Variants in TRAK1 observed in about 807,000 individuals in gnomAD.
The protein encoded by TRAK1 is trafficking kinesin protein 1.
Under a neutral mutation model 92.1 loss-of-function variants are expected in TRAK1, and 33 were observed. The observed-to-expected ratio is 0.36, with a 90% CI of 0.27 to 0.48. The LOEUF is 0.48. TRAK1 is among the 20% of genes least tolerant of loss of function. TRAK1 has a pLI of 0.99. For missense variants in TRAK1, 1,123 were observed against 1,257.9 expected, an observed-to-expected ratio of 0.89 and a Z score of 1.62; for synonymous variants, 521 against 517.3, an observed-to-expected ratio of 1.01 and a Z score of -0.10.
At chr3:42,155,971 G>T (rs747799541) in intron 2 of TRAK1, among the ~76,000 whole-genome samples, 5 of 152,136 alleles carry the variant, frequency 3.3e-5, no homozygotes, top group Non-Finnish European at 5.9e-5. Context: ...CCCTCCACTG[G>T]TCTTCCTGTC....
At chr3:42,059,082 G>A (rs936855294) in intron 1 of TRAK1, among the ~76,000 whole-genome samples, 11 of 151,936 alleles carry the variant, frequency 7.2e-5, no homozygotes, top group Non-Finnish European at 1.5e-4. Context: ...AGTAGGCTTT[G>A]GACTTCAGGG....
intron 1 of TRAK1, among the ~76,000 whole-genome samples, chr3:42,065,946 CT>C (rs1703658529): frequency 6.6e-6 from 1 of 152,180 alleles, no homozygotes; most frequent in Non-Finnish European, 1.5e-5. Flanking sequence ...TGAATCCTAA[CT>C]CCATGTTGAG....
chr3:42,141,711 G>T (rs1206930248), intron 2 of TRAK1, among the ~76,000 whole-genome samples: 4 of 152,120 alleles, frequency 2.6e-5, no homozygotes, highest in African/African-American at 9.7e-5. Flanking sequence ...CATCTCTCCA[G>T]GTTCTGCTCT....
chr3:42,173,324 A>G (rs944062224), intron 2 of TRAK1, among the ~76,000 whole-genome samples: 2 of 152,162 alleles, frequency 1.3e-5, no homozygotes, highest in Non-Finnish European at 2.9e-5. Context: ...ACCACGGTTG[A>G]TTGAAGATTT....
chr3:42,168,318 C>A (rs1238841298), intron 2 of TRAK1, among the ~76,000 whole-genome samples: 1 of 152,158 alleles, frequency 6.6e-6, no homozygotes, highest in South Asian at 2.1e-4. Context: ...TGAGACAATA[C>A]AATAATGTTT....
intron 7 of TRAK1, 123 bp from the exon 8 acceptor site, chr3:42,192,952 C>A: frequency 7.2e-7 from 1 of 1,392,302 alleles, no homozygotes; most frequent in Admixed American, 2.3e-5. Flanking sequence ...GCACCCTCCC[C>A]ACTCTACCCT....
intron 1 of TRAK1, among the ~76,000 whole-genome samples, chr3:42,034,360 C>T (rs969070466): frequency 2.6e-5 from 4 of 152,146 alleles, no homozygotes; most frequent in African/African-American, 4.8e-5. Flanking sequence ...GGCACAATCA[C>T]GGCTCACTGC....
At chr3:42,138,463 T>C (rs1698229190) in intron 2 of TRAK1, among the ~76,000 whole-genome samples, 1 of 152,166 alleles carries the variant, frequency 6.6e-6, no homozygotes, top group Non-Finnish European at 1.5e-5. Context: ...ATAAGCTTTC[T>C]CCTTCCTTAT....
chr3:42,150,807 G>T (rs1056734937), intron 2 of TRAK1, among the ~76,000 whole-genome samples: 1 of 152,222 alleles, frequency 6.6e-6, no homozygotes, highest in Non-Finnish European at 1.5e-5. Context: ...ACATTGTCAT[G>T]TTCGTTCTGT....
Position 42,091,564 on chromosome 3 carries a change from A to G in TRAK1, c.91+4A>G. The G allele has an allele frequency of 6.2e-7, 1 of 1,610,664 alleles. No individual in the cohort carries two copies. The highest frequency in any genetic ancestry group is 8.5e-7 in the Non-Finnish European group (1 of 1,178,948). On this transcript the variant is annotated splice_donor_region_variant and intron_variant, in intron 1 of 15. Coordinates refer to ENST00000327628, the MANE Select transcript of TRAK1 (RefSeq NM_001042646.3). ...CTCATTCGGACAAACGCCTGTGGTA[A>G]GTTTGTTTGCCAGGTCTGTCTGCTG...
At position 42,149,732 on chromosome 3, in the gene TRAK1, C is replaced by T. The variant is rs1699745178; in HGVS notation, c.286+24118C>T. On this transcript the variant is annotated intron_variant, in intron 2 of 15. Transcript: ENST00000327628. ...GAGGTACCAGAACTAGCACCACTGG[C>T]TCTGGCAATTCCAAAGGCATGGTGG... The T allele has an allele frequency of 1.6e-5, 19 of 1,162,688 alleles. No individual in the cohort carries two copies. In the South Asian group the frequency reaches 2.7e-4, roughly 17 times the overall value. The allele number at this position is 1,162,688 out of a possible 1,614,324, so 72.0% of individuals were successfully genotyped here.
At chr3:42,056,842 A>G (rs1041559968) in intron 1 of TRAK1, among the ~76,000 whole-genome samples, 2 of 152,212 alleles carry the variant, frequency 1.3e-5, no homozygotes, top group African/African-American at 2.4e-5. Context: ...AGGCTATTCT[A>G]CATCCTTCTT....
At chr3:42,067,272 A>G (rs932331997) in intron 1 of TRAK1, among the ~76,000 whole-genome samples, 16 of 152,328 alleles carry the variant, frequency 1.1e-4, no homozygotes, top group African/African-American at 3.1e-4. Context: ...CTTTTATGTG[A>G]TACAGTTTGT....
chr3:42,178,121 C>T (rs372535628), intron 3 of TRAK1, among the ~76,000 whole-genome samples: 12 of 152,230 alleles, frequency 7.9e-5, no homozygotes, highest in South Asian at 2.1e-4. Context: ...TTCCGGCACC[C>T]GCTCATCACC....
At chr3:42,219,272 C>T (rs538252452) in intron 14 of TRAK1, 16 of 983,818 alleles carry the variant, frequency 1.6e-5, no homozygotes, top group Admixed American at 1.2e-4. Context: ...TGGATTGGGT[C>T]GGAAGCTGGA....
chr3:42,134,212 T>TTCC (rs1559813445), intron 2 of TRAK1, among the ~76,000 whole-genome samples: 1 of 27,718 alleles, frequency 3.6e-5, no homozygotes, highest in Non-Finnish European at 6.1e-5. Context: ...CCTTCCCCCC[T>TTCC]CCCCTCCTCT....
At chr3:42,214,005 G>A (rs1709382842) in intron 14 of TRAK1, among the ~76,000 whole-genome samples, 1 of 152,172 alleles carries the variant, frequency 6.6e-6, no homozygotes, top group African/African-American at 2.4e-5. Context: ...CAGGCCAACT[G>A]CCACCTGCAA....
intron 1 of TRAK1, among the ~76,000 whole-genome samples, chr3:42,092,743 G>C (rs1705285325): frequency 6.8e-6 from 1 of 148,090 alleles, no homozygotes; most frequent in Non-Finnish European, 1.5e-5. Context: ...GTTATGTTAT[G>C]TTATGTTATG....
At chr3:42,166,614 G>A (rs1360265932) in intron 2 of TRAK1, among the ~76,000 whole-genome samples, 4 of 152,236 alleles carry the variant, frequency 2.6e-5, no homozygotes, top group Non-Finnish European at 5.9e-5. Flanking sequence ...TAGGAAAGCA[G>A]TTGGCACATT....
Sources: gnomAD v4.1 joint callset for allele counts (sites outside exome capture counted in the v4.1 genomes callset) on GRCh38, gnomAD v4.1.1 for gene constraint, MANE v1.5 for transcripts, NCBI Gene and HGNC (gene_info 2026-07-23, HGNC 2026-07-21) for gene names.